S100Z: variants seen among roughly 807,000 people sequenced by gnomAD.
The protein encoded by S100Z is protein S100-Z.
In S100Z, 11 loss-of-function variants were observed where a neutral mutation model predicts 8.5. The ratio of observed to expected loss-of-function variants is 1.30; its 90% confidence interval spans 0.82 to 2.15. S100Z has a LOEUF of 2.15. Ranked by LOEUF, S100Z falls within the 30% of genes most tolerant of loss-of-function variation. The pLI is 0.00. For missense variants in S100Z, 126 were observed against 117.9 expected (o/e 1.07, Z -0.32); for synonymous variants, 34 against 43.8 (o/e 0.78, Z 0.89).
chr5:76,940,704 T>C, the S100Z span, among the ~76,000 whole-genome samples: 3 of 152,222 alleles, frequency 2.0e-5, no homozygotes, highest in Non-Finnish European at 4.4e-5. Flanking sequence ...TGAGCCAACA[T>C]GCCCAGCCTC....
chr5:76,877,794 G>A lies in S100Z; in HGVS notation c.262G>A (p.Asp88Asn), dbSNP rs1322810456. ...MVAALTVACN[D>N]YFVEQLKKKG... is the part of the protein sequence containing the mutation. ...GGCAGCTCTGACAGTTGCTTGTAAT[G>A]ATTACTTTGTAGAACAATTGAAGAA... Residue 88 changes from aspartate (D) to asparagine (N), a missense_variant, in exon 4 of 5, where the codon GAT becomes AAT. Physicochemically the swap from Asp to Asn is conservative, Grantham distance 23 (BLOSUM62 1). Transcript: ENST00000317593. 6.2e-7 allele frequency: 1 copy of A among 1,613,432 alleles called. No homozygotes were observed. The highest frequency in any genetic ancestry group is 1.3e-5 in the African/African-American group (1 of 74,898).
chr5:76,916,302 T>C (rs999265333), intron 4 of S100Z, among the ~76,000 whole-genome samples: 1 of 151,922 alleles, frequency 6.6e-6, no homozygotes, highest in Non-Finnish European at 1.5e-5. Flanking sequence ...CAAAAACTGA[T>C]AGTATTGAAA....
intron 4 of S100Z, among the ~76,000 whole-genome samples, chr5:76,888,972 G>A (rs1743760697): frequency 6.6e-6 from 1 of 152,186 alleles, no homozygotes; most frequent in African/African-American, 2.4e-5. Flanking sequence ...GTCCCCATGT[G>A]TGTAGAACAT....
At chr5:76,915,482 T>C (rs973882524) in intron 4 of S100Z, among the ~76,000 whole-genome samples, 3 of 149,138 alleles carry the variant, frequency 2.0e-5, no homozygotes, top group East Asian at 2.0e-4. Flanking sequence ...GGGGTGAGCG[T>C]CTGTAGTCCT....
chr5:76,916,951 C>T (rs1744872082), intron 4 of S100Z, among the ~76,000 whole-genome samples: 2 of 151,956 alleles, frequency 1.3e-5, no homozygotes, highest in South Asian at 4.1e-4. Context: ...CATAGTTAAA[C>T]CCCATCTCTA....
chr5:76,917,483 C>T (rs1470439845), intron 4 of S100Z, among the ~76,000 whole-genome samples: 1 of 152,062 alleles, frequency 6.6e-6, no homozygotes, highest in Non-Finnish European at 1.5e-5. Context: ...AGAAAAGAGA[C>T]TGAAGTAGCC....
downstream of S100Z, among the ~76,000 whole-genome samples, chr5:76,926,099 G>A (rs963205901): frequency 6.6e-6 from 1 of 152,150 alleles, no homozygotes; most frequent in African/African-American, 2.4e-5. Context: ...AAATTACTGG[G>A]CAGAGCAGAG....
At chr5:76,884,795 C>G (rs1408215803) in intron 4 of S100Z, among the ~76,000 whole-genome samples, 1 of 152,038 alleles carries the variant, frequency 6.6e-6, no homozygotes, top group Non-Finnish European at 1.5e-5. Context: ...TGGGACCTGG[C>G]TTGGCCTGGC....
intron 1 of S100Z, among the ~76,000 whole-genome samples, chr5:76,864,054 A>G (rs1465289163): frequency 3.3e-5 from 5 of 152,350 alleles, no homozygotes; most frequent in African/African-American, 1.2e-4. Flanking sequence ...GCAATTTGTC[A>G]GCAGCATTAA....
At chr5:76,881,311 C>T (rs548454974) in intron 4 of S100Z, among the ~76,000 whole-genome samples, 15 of 152,274 alleles carry the variant, frequency 9.9e-5, no homozygotes, top group South Asian at 4.1e-4. Flanking sequence ...GAAATTACCA[C>T]GGTGGCCTTC....
the S100Z span, among the ~76,000 whole-genome samples, chr5:76,932,694 C>T: frequency 6.6e-6 from 1 of 152,252 alleles, no homozygotes; most frequent in East Asian, 1.9e-4. Flanking sequence ...GAGATGTCTC[C>T]CACTGTGTGG....
intron 4 of S100Z, among the ~76,000 whole-genome samples, chr5:76,919,774 A>C (rs899928962): frequency 6.6e-6 from 1 of 151,178 alleles, no homozygotes; most frequent in East Asian, 1.9e-4. Context: ...ACTGGCTAAA[A>C]TTCTTTTTTT....
At chr5:76,868,968 T>A (rs760983968) in intron 1 of S100Z, among the ~76,000 whole-genome samples, 2 of 152,228 alleles carry the variant, frequency 1.3e-5, no homozygotes. Context: ...TGTCTGTCTG[T>A]TTCTCTTTCT....
At chr5:76,861,368 C>CT (rs1192361772) in intron 1 of S100Z, among the ~76,000 whole-genome samples, 1 of 149,918 alleles carries the variant, frequency 6.7e-6, no homozygotes, top group Admixed American at 6.7e-5. Context: ...GAGATGGAGT[C>CT]TTGCTCTTTC....
chr5:76,867,569 C>A (rs558309633), intron 1 of S100Z, among the ~76,000 whole-genome samples: 1 of 150,562 alleles, frequency 6.6e-6, no homozygotes, highest in African/African-American at 2.4e-5. Flanking sequence ...TTTTTTTTCT[C>A]TAAAATCATC....
chr5:76,943,310 T>C, the S100Z span, among the ~76,000 whole-genome samples: 4 of 152,200 alleles, frequency 2.6e-5, no homozygotes, highest in African/African-American at 7.2e-5. Flanking sequence ...GCTGGACTTC[T>C]TTCATGGTGG....
chr5:76,945,121 A>G, the S100Z span, among the ~76,000 whole-genome samples: 1 of 152,232 alleles, frequency 6.6e-6, no homozygotes, highest in Non-Finnish European at 1.5e-5. Context: ...TATGTGTTGT[A>G]TGGAATCAAG....
At chr5:76,880,144 A>C (rs945375836) in intron 4 of S100Z, among the ~76,000 whole-genome samples, 2 of 152,202 alleles carry the variant, frequency 1.3e-5, no homozygotes, top group South Asian at 4.1e-4. Context: ...AACTTTCTTA[A>C]GGGTGGGGGA....
intron 1 of S100Z, among the ~76,000 whole-genome samples, chr5:76,864,995 C>G (rs1050668329): frequency 3.3e-5 from 5 of 152,182 alleles, no homozygotes; most frequent in African/African-American, 1.2e-4. Context: ...GCATGAGCCA[C>G]CACGCCCGGC....
Sources: gnomAD v4.1 joint callset for allele counts (sites outside exome capture counted in the v4.1 genomes callset) on GRCh38, gnomAD v4.1.1 for gene constraint, MANE v1.5 for transcripts, NCBI Gene and HGNC (gene_info 2026-07-23, HGNC 2026-07-21) for gene names.